SNTG1: variants seen among roughly 807,000 people sequenced by gnomAD.
The protein encoded by SNTG1 is gamma-1-syntrophin.
In SNTG1, 39 loss-of-function variants were observed where a neutral mutation model predicts 74.7. The ratio of observed to expected loss-of-function variants is 0.52; its 90% CI spans 0.40 to 0.68. The LOEUF (loss-of-function observed/expected upper bound fraction) is 0.68, where lower values mean the gene tolerates loss of function less well. Among genes scored for constraint, SNTG1 ranks in the 30% least tolerant of loss-of-function variants. The probability of loss-of-function intolerance (pLI) is 0.00; values close to 1 mark genes in which losing one functional copy is unlikely to be tolerated. For synonymous variants in SNTG1, 254 were observed against 217.1 expected (o/e 1.17, Z -1.49); for missense variants, 685 against 609.5 (o/e 1.12, Z -1.30).
intron 4 of SNTG1, among the ~76,000 whole-genome samples, chr8:50,432,833 C>T (rs1197629712): frequency 6.6e-6 from 1 of 150,692 alleles, no homozygotes; most frequent in Non-Finnish European, 1.5e-5. Context: ...ACTCTATTGC[C>T]CAGGCTGGAG....
chr8:50,710,011 G>A (rs2095457243), intron 17 of SNTG1, among the ~76,000 whole-genome samples: 1 of 152,208 alleles, frequency 6.6e-6, no homozygotes, highest in South Asian at 2.1e-4. Flanking sequence ...GTAGGAGGCA[G>A]TGGGGGTTCT....
intron 15 of SNTG1, among the ~76,000 whole-genome samples, chr8:50,702,115 T>C (rs2095428282): frequency 6.6e-6 from 1 of 152,072 alleles, no homozygotes; most frequent in African/African-American, 2.4e-5. Flanking sequence ...GCCTCCCAAA[T>C]TGCTGGGATT....
intron 9 of SNTG1, among the ~76,000 whole-genome samples, chr8:50,514,127 C>T (rs979689544): frequency 3.9e-5 from 6 of 152,048 alleles, no homozygotes; most frequent in East Asian, 1.9e-4. Flanking sequence ...GTCAAGGTTT[C>T]GTCAATATTG....
intron 4 of SNTG1, among the ~76,000 whole-genome samples, chr8:50,414,511 A>G (rs1453591255): frequency 6.6e-6 from 1 of 151,924 alleles, no homozygotes; most frequent in Non-Finnish European, 1.5e-5. Context: ...ATGGCCCTGA[A>G]TGTTTGCCTT....
At chr8:50,413,740 AC>A (rs1194588684) in intron 4 of SNTG1, among the ~76,000 whole-genome samples, 1 of 152,038 alleles carries the variant, frequency 6.6e-6, no homozygotes, top group Non-Finnish European at 1.5e-5. Context: ...CCATTTTCTT[AC>A]GTTTTTTCAT....
chr8:50,142,399 G>T (rs1417120511), intron 1 of SNTG1, among the ~76,000 whole-genome samples: 2 of 151,650 alleles, frequency 1.3e-5, no homozygotes, highest in Non-Finnish European at 2.9e-5. Flanking sequence ...GCTTGAAGAA[G>T]AATTCACAAG....
intron 1 of SNTG1, among the ~76,000 whole-genome samples, chr8:49,945,897 C>G (rs898636899): frequency 6.6e-6 from 1 of 152,180 alleles, no homozygotes; most frequent in East Asian, 1.9e-4. Context: ...ATATCCTTCT[C>G]CTTAAACGTC....
At chr8:50,688,432 T>C (rs2095362473) in intron 15 of SNTG1, among the ~76,000 whole-genome samples, 1 of 152,230 alleles carries the variant, frequency 6.6e-6, no homozygotes, top group African/African-American at 2.4e-5. Context: ...TTAATTCTTG[T>C]ATAAGGTGTA....
intron 1 of SNTG1, among the ~76,000 whole-genome samples, chr8:50,047,256 T>G (rs562981310): frequency 6.6e-6 from 1 of 152,038 alleles, no homozygotes; most frequent in East Asian, 1.9e-4. Flanking sequence ...AAAGGAATGC[T>G]TGAGCCCAGG....
chr8:50,261,838 A>G (rs558752981), intron 2 of SNTG1, among the ~76,000 whole-genome samples: 5 of 152,282 alleles, frequency 3.3e-5, no homozygotes, highest in Admixed American at 2.6e-4. Context: ...AAAACCATAG[A>G]AGGCTGAAAA....
At chr8:50,656,824 T>G (rs2095184808) in intron 13 of SNTG1, 85 bp from the exon 14 acceptor site, 3 of 879,082 alleles carry the variant, frequency 3.4e-6, no homozygotes, top group Non-Finnish European at 5.3e-6. Flanking sequence ...TAAAATATTT[T>G]TAATATTTGC....
intron 2 of SNTG1, among the ~76,000 whole-genome samples, chr8:50,357,765 T>C (rs1220029986): frequency 6.6e-6 from 1 of 152,186 alleles, no homozygotes; most frequent in Non-Finnish European, 1.5e-5. Flanking sequence ...TTAAAGAATA[T>C]AAAGTAATTT....
intron 4 of SNTG1, among the ~76,000 whole-genome samples, chr8:50,436,810 A>T (rs2093308446): frequency 1.3e-5 from 2 of 152,170 alleles, no homozygotes; most frequent in Admixed American, 1.3e-4. Context: ...TTAAATTATT[A>T]ATAGATTTTG....
chr8:49,946,411 C>A (rs891792525), intron 1 of SNTG1, among the ~76,000 whole-genome samples: 1 of 152,140 alleles, frequency 6.6e-6, no homozygotes, highest in Non-Finnish European at 1.5e-5. Context: ...CTGGGAGATA[C>A]GTGTATGGTG....
intron 8 of SNTG1, among the ~76,000 whole-genome samples, chr8:50,469,511 T>C (rs1238518452): frequency 6.6e-6 from 1 of 152,094 alleles, no homozygotes; most frequent in East Asian, 1.9e-4. Context: ...AACTCCAGTA[T>C]TCAAAATTCA....
At chr8:50,033,354 C>T (rs1413497773) in intron 1 of SNTG1, among the ~76,000 whole-genome samples, 1 of 152,046 alleles carries the variant, frequency 6.6e-6, no homozygotes, top group South Asian at 2.1e-4. Context: ...GAACTCGCAA[C>T]CTCAGGTGAT....
chr8:50,405,899 T>A (rs967143718), intron 4 of SNTG1, among the ~76,000 whole-genome samples: 1 of 152,018 alleles, frequency 6.6e-6, no homozygotes. Context: ...TATAAGGGGG[T>A]ATTTGTGGCC....
chr8:50,204,492 A>T (rs1218130505), intron 2 of SNTG1, among the ~76,000 whole-genome samples: 1 of 152,176 alleles, frequency 6.6e-6, no homozygotes, highest in Non-Finnish European at 1.5e-5. Context: ...TGTATAGCAT[A>T]TTAATCTAGG....
chr8:49,929,224 G>A (rs978171384), intron 1 of SNTG1, among the ~76,000 whole-genome samples: 1 of 152,098 alleles, frequency 6.6e-6, no homozygotes, highest in African/African-American at 2.4e-5. Flanking sequence ...TAAATTCCTA[G>A]AAAAATATAA....
Sources: allele counts gnomAD v4.1 joint callset (sites outside exome capture counted in the v4.1 genomes callset), GRCh38; gene constraint gnomAD v4.1.1; transcripts MANE v1.5; gene names NCBI Gene and HGNC (gene_info 2026-07-23, HGNC 2026-07-21).